The following GABRG3 variants were observed in gnomAD, a reference collection of about 807,000 sequenced individuals.
GABRG3 encodes the protein gamma-aminobutyric acid type A receptor subunit gamma3.
GABRG3 carries 25 observed loss-of-function variants against 48.8 expected under a neutral mutation model. That is an observed-to-expected ratio of 0.51 (90% confidence interval 0.37 to 0.72). The LOEUF (loss-of-function observed/expected upper bound fraction) is 0.72. Among genes scored for constraint, GABRG3 ranks in the 30% least tolerant of loss-of-function variants. The pLI is 0.00. For missense variants in GABRG3, 394 were observed against 577.9 expected (o/e 0.68, Z 3.26); for synonymous variants, 227 against 217.6 (o/e 1.04, Z -0.38).
At position 27,308,185 on chromosome 15, in the gene GABRG3, CATATATAAACATGT is replaced by C. The variant is rs1389426165; in HGVS notation, c.271-18623_271-18610del. 1.1e-4 allele frequency among the ~76,000 whole-genome samples: 8 copies of C among 72,870 alleles called. 2 individuals are homozygous for C. The highest frequency in any genetic ancestry group is 6.0e-5 in the African/African-American group (1 of 16,556). 47.8% of individuals were successfully genotyped at this position (72,870 alleles called of 152,430 possible). ...AAACATATATGTTTATATATCCAAACATATATAAACATGTTTATATATCCAAACATATATAAACA... is the reference window on the plus strand; with the variant it reads ...AAACATATATGTTTATATATCCAAACTTATATATCCAAACATATATAAACA... On this transcript the variant is annotated intron_variant, in intron 3 of 9. Coordinates refer to ENST00000615808, the MANE Select transcript of GABRG3 (RefSeq NM_033223.5).
intron 3 of GABRG3, among the ~76,000 whole-genome samples, chr15:27,141,572 C>A (rs1206520740): frequency 6.6e-6 from 1 of 152,174 alleles, no homozygotes; most frequent in Non-Finnish European, 1.5e-5. Context: ...TTGTCCTGCA[C>A]CTCTGAGGTG....
At chr15:27,065,851 C>T (rs1228351143) in intron 3 of GABRG3, among the ~76,000 whole-genome samples, 1 of 152,292 alleles carries the variant, frequency 6.6e-6, no homozygotes, top group South Asian at 2.1e-4. Context: ...GGATTCCTCT[C>T]CGGGGAATTT....
Position 27,266,086 on chromosome 15 carries a change from G to A in GABRG3, c.271-60723G>A, listed in dbSNP as rs183635585. ...GAAGAGATGAGTTTTCTCCATGTTGGTCAGGCTGGTCTTGAACTGCCGACC... is the reference window on the plus strand; with the variant it reads ...GAAGAGATGAGTTTTCTCCATGTTGATCAGGCTGGTCTTGAACTGCCGACC... On this transcript the variant is annotated intron_variant, in intron 3 of 9. Transcript: ENST00000615808. Among the ~76,000 whole-genome samples, 340 of 151,992 alleles carry A rather than the reference G, an allele frequency of 2.2e-3. 2 individuals are homozygous for A. The highest frequency in any genetic ancestry group is 3.8e-3 in the Non-Finnish European group (258 of 67,970).
intron 3 of GABRG3, among the ~76,000 whole-genome samples, chr15:27,270,430 C>G (rs1891045506): frequency 6.6e-6 from 1 of 152,038 alleles, no homozygotes. Flanking sequence ...GAAATCATAG[C>G]CAGACAGATG....
chr15:26,999,508 CCT>C (rs1275070788), intron 2 of GABRG3, among the ~76,000 whole-genome samples: 2 of 152,030 alleles, frequency 1.3e-5, no homozygotes, highest in African/African-American at 4.8e-5. Flanking sequence ...GTTTTTCCCC[CCT>C]GTGAATTATT....
chr15:27,365,349 T>C (rs1895160514), intron 5 of GABRG3: 1 of 146,688 alleles, frequency 6.8e-6, no homozygotes, highest in African/African-American at 2.5e-5. Flanking sequence ...ATATTAACCT[T>C]CCACTCTTCC....
chr15:27,404,163 G>T (rs953885619), intron 5 of GABRG3, among the ~76,000 whole-genome samples: 13 of 152,174 alleles, frequency 8.5e-5, no homozygotes, highest in African/African-American at 3.1e-4. Flanking sequence ...GGAGCTTGCA[G>T]TGAGCCTAGA....
At chr15:27,314,122 C>T (rs1020412107) in intron 3 of GABRG3, among the ~76,000 whole-genome samples, 18 of 151,984 alleles carry the variant, frequency 1.2e-4, no homozygotes, top group South Asian at 6.3e-4. Context: ...AATAAATAAA[C>T]GGGATTACAT....
chr15:27,351,072 T>C (rs530758164), intron 5 of GABRG3, among the ~76,000 whole-genome samples: 19 of 150,128 alleles, frequency 1.3e-4, no homozygotes, highest in African/African-American at 3.9e-4. Context: ...GTGTGTATGG[T>C]ATGTGTGTGT....
At chr15:26,973,614 C>T (rs1595448767) in intron 1 of GABRG3, among the ~76,000 whole-genome samples, 2 of 152,170 alleles carry the variant, frequency 1.3e-5, no homozygotes, top group Non-Finnish European at 2.9e-5. Flanking sequence ...GGTGATGGCT[C>T]AGCAGCTCCC....
intron 3 of GABRG3, among the ~76,000 whole-genome samples, chr15:27,141,104 G>A (rs978140997): frequency 6.6e-6 from 1 of 152,144 alleles, no homozygotes; most frequent in African/African-American, 2.4e-5. Context: ...AATAGTGGTG[G>A]ATAGAAGCTT....
chr15:27,313,924 A>G (rs1201588194), intron 3 of GABRG3, among the ~76,000 whole-genome samples: 1 of 152,062 alleles, frequency 6.6e-6, no homozygotes, highest in South Asian at 2.1e-4. Context: ...CGCTAGAAGA[A>G]TAACAAACTA....
In GABRG3 at chr15:27,506,869, G is replaced by A. The variant is rs1890773276; in HGVS notation, c.713-13103G>A. On this transcript the variant is annotated intron_variant, in intron 6 of 9. Coordinates refer to ENST00000615808, the MANE Select transcript of GABRG3 (RefSeq NM_033223.5). ...ATTTCTCTGGTTTTTTTTCACTAAA[G>A]TGACTATTTTTTTTCTAGTTTCTTA... 3.3e-5 allele frequency among the ~76,000 whole-genome samples: 5 copies of A among 150,034 alleles called. No homozygotes were observed. In the South Asian group the frequency reaches 1.0e-3, roughly 31 times the overall value.
At position 27,535,528 on chromosome 15, in the gene GABRG3, A is replaced by G. The variant is rs1891528647; in HGVS notation, c.*2647A>G. ...GTTCAGCGCTCCTTTTCTAGGAAGG[A>G]GAACCTTCATCTCAAGAAAGTCCAA... On this transcript the variant is annotated 3_prime_UTR_variant, in exon 10 of 10. Coordinates refer to ENST00000615808, the MANE Select transcript of GABRG3 (RefSeq NM_033223.5). The G allele has an allele frequency of 6.6e-6, 1 of 152,232 alleles. No homozygotes were observed. Among genetic ancestry groups the G allele is most frequent in the South Asian group, 2.1e-4 (1 of 4,836 alleles). 9.4% of individuals were successfully genotyped at this position (152,232 alleles called of 1,614,324 possible).
At chr15:27,026,876 A>G (rs563522480) in intron 3 of GABRG3, 55 bp downstream of exon 3, 4 of 1,230,784 alleles carry the variant, frequency 3.2e-6, no homozygotes, top group South Asian at 3.0e-5. Flanking sequence ...TTCTTGTTAC[A>G]TTCTCATTGT....
chr15:27,445,688 A>G (rs543417520), intron 5 of GABRG3, among the ~76,000 whole-genome samples: 1 of 152,312 alleles, frequency 6.6e-6, no homozygotes, highest in African/African-American at 2.4e-5. Flanking sequence ...AAAATTTAAT[A>G]AAGTGTATTT....
chr15:27,421,245 G>A (rs572337024), intron 5 of GABRG3, among the ~76,000 whole-genome samples: 1 of 152,312 alleles, frequency 6.6e-6, no homozygotes, highest in South Asian at 2.1e-4. Flanking sequence ...TGAGGACAGA[G>A]GAGTAACTCC....
Position 27,180,923 on chromosome 15 carries a change from G to T in GABRG3, c.271-145886G>T, listed in dbSNP as rs981722130. Among the ~76,000 whole-genome samples, 5 of 152,046 alleles carry T rather than the reference G, an allele frequency of 3.3e-5. No individual in the cohort carries two copies. Among genetic ancestry groups the T allele is most frequent in the Non-Finnish European group, 7.4e-5 (5 of 68,014 alleles). On this transcript the variant is annotated intron_variant, in intron 3 of 9. Coordinates refer to ENST00000615808, the MANE Select transcript of GABRG3 (RefSeq NM_033223.5). This position sits in a 1 kb window ranked among gnomAD's most constrained non-coding sequence, Gnocchi z 4.2. ...ATTATCGTTCCAGTTTAGTATTTTA[G>T]GGTTGAAAACCCCTCTCGCTTTGGG...
intron 7 of GABRG3, among the ~76,000 whole-genome samples, chr15:27,521,774 A>C (rs1258719320): frequency 6.6e-6 from 1 of 152,058 alleles, no homozygotes; most frequent in Non-Finnish European, 1.5e-5. Context: ...AAAAGTTTAT[A>C]TAAAATTGAA....
Sources: allele counts gnomAD v4.1 joint callset (sites outside exome capture counted in the v4.1 genomes callset), GRCh38; gene constraint gnomAD v4.1.1; non-coding constraint Gnocchi (gnomAD v3.1); transcripts MANE v1.5; gene names NCBI Gene and HGNC (gene_info 2026-07-23, HGNC 2026-07-21).